Variants in SHISA9 observed in about 807,000 individuals in gnomAD.
The protein encoded by SHISA9 is shisa family member 9.
A neutral mutation model predicts 38.0 loss-of-function variants in SHISA9; 13 were observed. The ratio of observed to expected loss-of-function variants is 0.34; its 90% CI spans 0.22 to 0.54. The LOEUF is 0.54. SHISA9 is among the 20% of genes least tolerant of loss of function. The pLI, the probability that SHISA9 is intolerant of heterozygous loss-of-function variation, is 0.91. For synonymous variants in SHISA9, 275 were observed against 242.0 expected, an observed-to-expected ratio of 1.14 and a Z score of -1.27; for missense variants, 538 against 575.8, an observed-to-expected ratio of 0.93 and a Z score of 0.67.
the SHISA9 span, among the ~76,000 whole-genome samples, chr16:13,500,696 A>G: frequency 1.3e-5 from 2 of 152,160 alleles, no homozygotes; most frequent in African/African-American, 4.8e-5. Flanking sequence ...TTATGTAACT[A>G]CTGGTGTCTT....
chr16:13,519,727 T>G, the SHISA9 span, among the ~76,000 whole-genome samples: 1 of 152,182 alleles, frequency 6.6e-6, no homozygotes, highest in South Asian at 2.1e-4. Flanking sequence ...CACGTCCTTC[T>G]TCACATGGTG....
intron 2 of SHISA9, among the ~76,000 whole-genome samples, chr16:13,022,186 C>G (rs971533607): frequency 6.6e-6 from 1 of 152,096 alleles, no homozygotes; most frequent in African/African-American, 2.4e-5. Context: ...GAGTGTTGCT[C>G]TGTTGCCCAG....
At chr16:12,988,426 A>G (rs1352695314) in intron 2 of SHISA9, among the ~76,000 whole-genome samples, 1 of 152,016 alleles carries the variant, frequency 6.6e-6, no homozygotes, top group Non-Finnish European at 1.5e-5. Context: ...ACCCGTGATC[A>G]CTCATTCTCA....
At chr16:13,245,371 C>T (rs895821569), downstream of SHISA9, among the ~76,000 whole-genome samples, 13 of 152,186 alleles carry the variant, frequency 8.5e-5, no homozygotes, top group Admixed American at 7.2e-4. Flanking sequence ...AGGTGAAGCA[C>T]TGTGTACTAG....
chr16:13,292,923 A>G, the SHISA9 span, among the ~76,000 whole-genome samples: 1 of 152,158 alleles, frequency 6.6e-6, no homozygotes, highest in African/African-American at 2.4e-5. Context: ...TTTAGCAGAA[A>G]AACCAGTATT....
chr16:13,274,741 G>C, the SHISA9 span, among the ~76,000 whole-genome samples: 1 of 152,120 alleles, frequency 6.6e-6, no homozygotes, highest in Admixed American at 6.6e-5. Flanking sequence ...AGTCATTCAT[G>C]TTGCCTCGAA....
intron 4 of SHISA9, among the ~76,000 whole-genome samples, chr16:13,215,272 C>G (rs2051157471): frequency 6.6e-6 from 1 of 152,194 alleles, no homozygotes; most frequent in African/African-American, 2.4e-5. Flanking sequence ...ACCTGATTCA[C>G]TAAGCCTTGG....
the SHISA9 span, among the ~76,000 whole-genome samples, chr16:13,288,539 T>C: frequency 6.6e-6 from 1 of 152,118 alleles, no homozygotes; most frequent in East Asian, 1.9e-4. Context: ...CTCACTCCTA[T>C]AATCCCAGCA....
chr16:12,989,597 C>T (rs533450046), intron 2 of SHISA9, among the ~76,000 whole-genome samples: 1 of 152,014 alleles, frequency 6.6e-6, no homozygotes, highest in East Asian at 1.9e-4. Flanking sequence ...CACTCCTGGC[C>T]CAGCCTGTTT....
chr16:13,516,941 C>A, the SHISA9 span, among the ~76,000 whole-genome samples: 2 of 152,148 alleles, frequency 1.3e-5, no homozygotes, highest in Non-Finnish European at 2.9e-5. Context: ...TGTTCACTGT[C>A]CTCATAGAAT....
intron 2 of SHISA9, among the ~76,000 whole-genome samples, chr16:12,917,452 G>GA (rs933590545): frequency 2.8e-4 from 42 of 147,928 alleles, no homozygotes; most frequent in South Asian, 4.3e-4. Context: ...TCTGCCAGGG[G>GA]AAAAAAAAAA....
chr16:12,952,920 A>G (rs964221824), intron 2 of SHISA9, among the ~76,000 whole-genome samples: 3 of 152,170 alleles, frequency 2.0e-5, no homozygotes, highest in Non-Finnish European at 2.9e-5. Flanking sequence ...TTTATTGAAC[A>G]CCTACTATGT....
chr16:13,065,487 A>G (rs1291311852), intron 2 of SHISA9, among the ~76,000 whole-genome samples: 1 of 152,262 alleles, frequency 6.6e-6, no homozygotes, highest in East Asian at 1.9e-4. Flanking sequence ...CTCTGTTCAC[A>G]TGAAAAGAAC....
intron 2 of SHISA9, among the ~76,000 whole-genome samples, chr16:13,086,353 C>CAAAAAA (rs767516512): frequency 4.5e-3 from 224 of 49,586 alleles, no homozygotes; most frequent in Non-Finnish European, 5.2e-3. Flanking sequence ...GATTCCATCT[C>CAAAAAA]AAAAAAAAAA....
At chr16:12,947,404 G>A (rs1348137174) in intron 2 of SHISA9, among the ~76,000 whole-genome samples, 1 of 152,172 alleles carries the variant, frequency 6.6e-6, no homozygotes, top group African/African-American at 2.4e-5. Context: ...ATGGTCTGGG[G>A]CATGTTAAAC....
chr16:13,196,266 G>A (rs150952287), intron 2 of SHISA9, among the ~76,000 whole-genome samples: 37 of 150,350 alleles, frequency 2.5e-4, no homozygotes, highest in African/African-American at 4.9e-4. Context: ...GCGAGGTGGC[G>A]CGTGCCTGTA....
intron 2 of SHISA9, among the ~76,000 whole-genome samples, chr16:13,033,228 C>T (rs1735452657): frequency 6.6e-6 from 1 of 152,086 alleles, no homozygotes; most frequent in Non-Finnish European, 1.5e-5. Context: ...GGTGACATAC[C>T]CTCCCCTACA....
intron 2 of SHISA9, among the ~76,000 whole-genome samples, chr16:13,013,253 GT>G (rs2072700602): frequency 6.6e-6 from 1 of 152,186 alleles, no homozygotes. Flanking sequence ...TCTGCAGGCT[GT>G]TTGTCCTCTG....
intron 2 of SHISA9, among the ~76,000 whole-genome samples, chr16:13,040,606 G>T (rs970944029): frequency 2.0e-5 from 3 of 152,170 alleles, no homozygotes; most frequent in African/African-American, 7.2e-5. Context: ...TAAACTTCAA[G>T]AGAGCAGGGA....
Sources: allele counts gnomAD v4.1 joint callset (sites outside exome capture counted in the v4.1 genomes callset), GRCh38; gene constraint gnomAD v4.1.1; transcripts MANE v1.5; gene names NCBI Gene and HGNC (gene_info 2026-07-23, HGNC 2026-07-21).